Variants in ADGRB3 observed in about 807,000 individuals in gnomAD.
The protein encoded by ADGRB3 is brain-specific angiogenesis inhibitor 3.
ADGRB3 carries 37 observed loss-of-function variants against 193.4 expected under a neutral mutation model. That is an observed-to-expected ratio of 0.19 (90% CI 0.15 to 0.25). ADGRB3 has a LOEUF of 0.25. Ranked by LOEUF, ADGRB3 falls within the 10% of genes least tolerant of loss-of-function variation. The pLI is 1.00. For synonymous variants in ADGRB3, 690 were observed against 644.2 expected, an observed-to-expected ratio of 1.07 and a Z score of -1.08; for missense variants, 1,637 against 1,852.9, an observed-to-expected ratio of 0.88 and a Z score of 2.14.
At chr6:69,005,478 A>G (rs1290661038) in intron 11 of ADGRB3, among the ~76,000 whole-genome samples, 1 of 152,104 alleles carries the variant, frequency 6.6e-6, no homozygotes, top group African/African-American at 2.4e-5. Context: ...TCCTGGAACA[A>G]TGTTCTTACG....
chr6:69,362,461 C>T (rs192694230), intron 29 of ADGRB3, among the ~76,000 whole-genome samples: 47 of 151,970 alleles, frequency 3.1e-4, no homozygotes, highest in African/African-American at 1.1e-3. Context: ...ATGCTTCTCC[C>T]CAAAGCCATT....
At chr6:69,325,337 A>G (rs1768544562) in intron 21 of ADGRB3, among the ~76,000 whole-genome samples, 1 of 152,194 alleles carries the variant, frequency 6.6e-6, no homozygotes. Context: ...AAAATACCTT[A>G]AAATTTTCAA....
intron 17 of ADGRB3, among the ~76,000 whole-genome samples, chr6:69,086,844 T>C (rs1339200482): frequency 6.6e-6 from 1 of 152,136 alleles, no homozygotes; most frequent in East Asian, 1.9e-4. Flanking sequence ...AGTGAACAGT[T>C]TCAAAAGATG....
chr6:69,032,322 A>T (rs946563031), intron 13 of ADGRB3, among the ~76,000 whole-genome samples: 5 of 152,218 alleles, frequency 3.3e-5, no homozygotes, highest in African/African-American at 1.2e-4. Flanking sequence ...TTTATAAAAT[A>T]TTACTTCTGA....
At chr6:69,131,722 A>C (rs1315710411) in intron 17 of ADGRB3, among the ~76,000 whole-genome samples, 1 of 151,958 alleles carries the variant, frequency 6.6e-6, no homozygotes, top group East Asian at 1.9e-4. Flanking sequence ...GGTTTGCTAC[A>C]CCCATCGACC....
intron 17 of ADGRB3, among the ~76,000 whole-genome samples, chr6:69,177,438 G>C (rs1331233491): frequency 2.6e-5 from 4 of 151,908 alleles, no homozygotes; most frequent in Admixed American, 6.6e-5. Context: ...CTCACTGCAA[G>C]CTCTGCCTCC....
intron 3 of ADGRB3, among the ~76,000 whole-genome samples, chr6:68,780,609 G>A (rs1479811790): frequency 1.3e-5 from 2 of 152,038 alleles, no homozygotes; most frequent in Non-Finnish European, 2.9e-5. Context: ...TCAGTTTCAC[G>A]TAGACAGTCC....
At chr6:69,011,135 ATG>A (rs66675226) in intron 11 of ADGRB3, among the ~76,000 whole-genome samples, 53,603 of 144,652 alleles carry the variant, frequency 0.37, 10,066 homozygotes, top group Middle Eastern at 0.46. Context: ...ATACATATAT[ATG>A]TGTGTGTGTG....
chr6:68,820,365 G>A (rs1219049826), intron 3 of ADGRB3, among the ~76,000 whole-genome samples: 2 of 151,554 alleles, frequency 1.3e-5, no homozygotes, highest in African/African-American at 4.8e-5. Flanking sequence ...AGAGTATATA[G>A]TAGACATATA....
chr6:68,961,926 T>C (rs972236092), intron 8 of ADGRB3, among the ~76,000 whole-genome samples: 18 of 152,176 alleles, frequency 1.2e-4, no homozygotes, highest in African/African-American at 3.6e-4. Flanking sequence ...ATTATCTGTA[T>C]ACTCTTTAAG....
chr6:69,235,937 T>C (rs1051645789), intron 19 of ADGRB3, among the ~76,000 whole-genome samples: 1 of 151,898 alleles, frequency 6.6e-6, no homozygotes, highest in East Asian at 1.9e-4. Context: ...CATTTTTATA[T>C]CCACTTTTAT....
intron 3 of ADGRB3, among the ~76,000 whole-genome samples, chr6:68,867,700 G>C (rs1184187432): frequency 6.6e-6 from 1 of 152,226 alleles, no homozygotes; most frequent in African/African-American, 2.4e-5. Flanking sequence ...CAGGGGTGGA[G>C]CTGCCCAAGG....
chr6:68,639,374 G>A lies in ADGRB3; in HGVS notation c.699G>A (p.Glu233=), dbSNP rs146475807. The A allele has an allele frequency of 3.3e-5, 54 of 1,613,774 alleles. No homozygotes were observed. The Middle Eastern group carries it at 9.9e-4, about 29-fold the overall frequency. ...NEQTEGCLTQ[E]LQTTQVCNLT... is the part of the protein sequence containing the mutation. ...AGACAGAGGGCTGCCTGACCCAGGAGCTGCAAACCACCCAAGTCTGCAATC... is the reference window on the plus strand; with the variant it reads ...AGACAGAGGGCTGCCTGACCCAGGAACTGCAAACCACCCAAGTCTGCAATC... The change falls in exon 3 of 32, where the codon GAG becomes GAA. Residue 233 remains glutamate, a synonymous_variant. Transcript: ENST00000370598.
intron 16 of ADGRB3, among the ~76,000 whole-genome samples, chr6:69,070,030 G>A (rs1017617612): frequency 2.6e-5 from 4 of 152,116 alleles, no homozygotes; most frequent in African/African-American, 7.2e-5. Context: ...CAGATCAAAT[G>A]TCCAACTCAC....
chr6:68,774,461 A>G (rs1766700127), intron 3 of ADGRB3, among the ~76,000 whole-genome samples: 1 of 151,360 alleles, frequency 6.6e-6, no homozygotes, highest in Non-Finnish European at 1.5e-5. Flanking sequence ...TTGTTCCAGG[A>G]ATATATGTGT....
At chr6:68,800,507 G>T (rs1470962267) in intron 3 of ADGRB3, among the ~76,000 whole-genome samples, 1 of 152,090 alleles carries the variant, frequency 6.6e-6, no homozygotes, top group East Asian at 1.9e-4. Flanking sequence ...GATGGAGAAG[G>T]AGCAGAGAGG....
intron 17 of ADGRB3, among the ~76,000 whole-genome samples, chr6:69,103,486 T>A (rs1582463080): frequency 6.6e-6 from 1 of 152,134 alleles, no homozygotes; most frequent in East Asian, 1.9e-4. Context: ...ATTTTAAAAA[T>A]ATATTGATTA....
intron 17 of ADGRB3, among the ~76,000 whole-genome samples, chr6:69,088,181 A>G (rs1772602083): frequency 6.6e-6 from 1 of 152,142 alleles, no homozygotes; most frequent in Admixed American, 6.5e-5. Flanking sequence ...CTGAATTGAA[A>G]TGGAATGAAG....
chr6:68,790,811 T>A (rs535650560), intron 3 of ADGRB3, among the ~76,000 whole-genome samples: 77 of 151,900 alleles, frequency 5.1e-4, no homozygotes, highest in African/African-American at 1.8e-3. Flanking sequence ...CAAAGACCAA[T>A]GGTAGATAAA....
Sources: gnomAD v4.1 joint callset for allele counts (sites outside exome capture counted in the v4.1 genomes callset) on GRCh38, gnomAD v4.1.1 for gene constraint, MANE v1.5 for transcripts, NCBI Gene and HGNC (gene_info 2026-07-23, HGNC 2026-07-21) for gene names.